The following UBE2G1 variants were observed in gnomAD, a reference collection of about 807,000 sequenced individuals.
The protein encoded by UBE2G1 is ubiquitin conjugating enzyme E2 G1.
UBE2G1 carries 5 observed loss-of-function variants against 22.7 expected under a neutral mutation model. That is an observed-to-expected ratio of 0.22 (90% CI 0.12 to 0.46). UBE2G1 has a LOEUF of 0.46. UBE2G1 is among the 20% of genes least tolerant of loss of function. UBE2G1 has a pLI of 0.99. For synonymous variants in UBE2G1, 74 were observed against 67.5 expected (o/e 1.10, Z -0.47); for missense variants, 88 against 203.9 (o/e 0.43, Z 3.46).
At chr17:4,277,917 A>T (rs1567513284) in intron 5 of UBE2G1, among the ~76,000 whole-genome samples, 2 of 145,248 alleles carry the variant, frequency 1.4e-5, no homozygotes, top group Non-Finnish European at 3.1e-5. Flanking sequence ...TATCTTTTAC[A>T]TTTTTTTTTT....
chr17:4,349,598 G>C (rs1368041726), intron 1 of UBE2G1, among the ~76,000 whole-genome samples: 1 of 151,688 alleles, frequency 6.6e-6, no homozygotes, highest in Non-Finnish European at 1.5e-5. Context: ...AATCCCAGCA[G>C]CTTGGGAGGC....
At chr17:4,319,131 G>A (rs537965029) in intron 1 of UBE2G1, among the ~76,000 whole-genome samples, 28 of 152,232 alleles carry the variant, frequency 1.8e-4, no homozygotes, top group African/African-American at 6.7e-4. Flanking sequence ...TGGCATTCCT[G>A]AAGAGATCAG....
intron 4 of UBE2G1, among the ~76,000 whole-genome samples, chr17:4,284,988 T>C (rs57660545): frequency 0.012 from 1,795 of 151,816 alleles, 36 homozygotes; most frequent in African/African-American, 0.041. Context: ...TAGGACAACA[T>C]GTGCACATCA....
chr17:4,300,130 G>A (rs1303591771), intron 2 of UBE2G1, among the ~76,000 whole-genome samples: 4 of 151,042 alleles, frequency 2.6e-5, no homozygotes, highest in Admixed American at 6.6e-5. Context: ...CAACTTGTGC[G>A]TGCAAACTTC....
At chr17:4,294,463 A>G (rs894384056) in intron 3 of UBE2G1, among the ~76,000 whole-genome samples, 4 of 151,666 alleles carry the variant, frequency 2.6e-5, no homozygotes, top group African/African-American at 9.7e-5. Context: ...AAGAAAAGAA[A>G]AGAAAAAAAA....
chr17:4,277,405 G>A (rs1384389646), intron 5 of UBE2G1, among the ~76,000 whole-genome samples: 1 of 152,186 alleles, frequency 6.6e-6, no homozygotes, highest in African/African-American at 2.4e-5. Flanking sequence ...CTCTAGCCTT[G>A]GTGCAGAACG....
At chr17:4,302,572 C>T in intron 2 of UBE2G1, 1 of 389,124 alleles carries the variant, frequency 2.6e-6, no homozygotes, top group East Asian at 6.3e-5. Flanking sequence ...TAGAAGTTTT[C>T]TTCATTGCCT....
At chr17:4,337,743 G>C (rs973434406) in intron 1 of UBE2G1, among the ~76,000 whole-genome samples, 1 of 151,924 alleles carries the variant, frequency 6.6e-6, no homozygotes, top group East Asian at 1.9e-4. Flanking sequence ...GAGAGCCACA[G>C]CCTAAACACC....
intron 1 of UBE2G1, among the ~76,000 whole-genome samples, chr17:4,346,336 A>C (rs976495515): frequency 6.6e-5 from 10 of 152,126 alleles, no homozygotes; most frequent in Non-Finnish European, 1.5e-5. Context: ...AATAATCCTA[A>C]ATATGTATTA....
At chr17:4,303,215 G>C (rs961915513) in intron 2 of UBE2G1, among the ~76,000 whole-genome samples, 1 of 152,150 alleles carries the variant, frequency 6.6e-6, no homozygotes, top group Non-Finnish European at 1.5e-5. Context: ...GCTGAGCAGT[G>C]ACCCTTCTGA....
chr17:4,349,625 C>T (rs191066945), intron 1 of UBE2G1, among the ~76,000 whole-genome samples: 3 of 152,134 alleles, frequency 2.0e-5, no homozygotes, highest in South Asian at 4.2e-4. Context: ...GGGCGGATCA[C>T]GAGGTCAGGA....
At chr17:4,295,016 A>G (rs2143707891) in intron 3 of UBE2G1, among the ~76,000 whole-genome samples, 2 of 152,180 alleles carry the variant, frequency 1.3e-5, no homozygotes, top group Admixed American at 1.3e-4. Flanking sequence ...GGGAGGGAGG[A>G]AGGCAAGCTA....
In UBE2G1 at chr17:4,364,599, TGAACAGAGTCTCGCTCTGTTGCCC is replaced by T. The variant is rs1203987446; in HGVS notation, c.46+1648_46+1671del. ...CACCGCGCCCGGCCCTTCTTTTTTT[TGAACAGAGTCTCGCTCTGTTGCCC>T]AGGCTGGAAAGCAATGGCGCGATCT... is the stretch of plus-strand genomic sequence containing the variant. On this transcript the variant is annotated intron_variant, in intron 1 of 5. Transcript: ENST00000396981. 4 of 130,004 alleles carry T rather than the reference TGAACAGAGTCTCGCTCTGTTGCCC, an allele frequency of 3.1e-5. No homozygotes were observed. The South Asian group carries it at 7.7e-4, about 25-fold the overall frequency. The allele number at this position is 130,004 out of a possible 1,614,324, so 8.1% of individuals were successfully genotyped here.
chr17:4,340,927 C>T (rs1424162595), intron 1 of UBE2G1, among the ~76,000 whole-genome samples: 2 of 142,448 alleles, frequency 1.4e-5, no homozygotes, highest in Non-Finnish European at 3.0e-5. Context: ...ACCTTCAAAA[C>T]CATAACATGA....
rs149310801 is a variant in UBE2G1 at position 4,327,012 on chromosome 17, T to C, written c.47-19889A>G. On this transcript the variant is annotated intron_variant, in intron 1 of 5. Coordinates refer to ENST00000396981, the MANE Select transcript of UBE2G1 (RefSeq NM_003342.5). Reference sequence around the variant, plus strand: ...CCACGTCTCTACTAAAATACAAAAATTGGCCAGGCACGGTGGCTCACGCCT... The same window carrying C: ...CCACGTCTCTACTAAAATACAAAAACTGGCCAGGCACGGTGGCTCACGCCT... 4.4e-3 allele frequency among the ~76,000 whole-genome samples: 676 copies of C among 152,134 alleles called. 2 individuals are homozygous for C. The highest frequency in any genetic ancestry group is 7.3e-3 in the Non-Finnish European group (495 of 67,968).
chr17:4,341,566 A>G (rs1391981289), intron 1 of UBE2G1, among the ~76,000 whole-genome samples: 1 of 152,070 alleles, frequency 6.6e-6, no homozygotes, highest in South Asian at 2.1e-4. Context: ...GCCACTAGCA[A>G]TTCTCCAACT....
intron 1 of UBE2G1, among the ~76,000 whole-genome samples, chr17:4,319,395 A>C (rs1434649062): frequency 2.6e-5 from 4 of 152,230 alleles, no homozygotes; most frequent in Non-Finnish European, 4.4e-5. Flanking sequence ...GGTAAGTAAC[A>C]GTGACGTGAA....
chr17:4,327,358 G>A (rs979687321), intron 1 of UBE2G1, among the ~76,000 whole-genome samples: 2 of 151,756 alleles, frequency 1.3e-5, no homozygotes, highest in Non-Finnish European at 2.9e-5. Flanking sequence ...CCCTAATCCA[G>A]CTACTTGGGA....
chr17:4,284,130 C>T (rs1968929457), intron 4 of UBE2G1, among the ~76,000 whole-genome samples: 1 of 143,048 alleles, frequency 7.0e-6, no homozygotes, highest in African/African-American at 2.5e-5. Flanking sequence ...GCACTCCAGC[C>T]TGAGCGACAG....
Sources: gnomAD v4.1 joint callset for allele counts (sites outside exome capture counted in the v4.1 genomes callset) on GRCh38, gnomAD v4.1.1 for gene constraint, MANE v1.5 for transcripts, NCBI Gene and HGNC (gene_info 2026-07-23, HGNC 2026-07-21) for gene names.